Variants in MYO1D observed in about 807,000 individuals in gnomAD.
MYO1D encodes myosin ID, also known as unconventional myosin-Id.
A neutral mutation model predicts 122.0 loss-of-function variants in MYO1D; 83 were observed. The observed-to-expected ratio is 0.68, with a 90% CI of 0.57 to 0.82. The LOEUF (loss-of-function observed/expected upper bound fraction) is 0.82, where lower values mean the gene tolerates loss of function less well. Among genes scored for constraint, MYO1D ranks in the 40% least tolerant of loss-of-function variants. The pLI is 0.00. For missense variants in MYO1D, 1,157 were observed against 1,269.5 expected (o/e 0.91, Z 1.35); for synonymous variants, 464 against 446.9 (o/e 1.04, Z -0.48).
chr17:32,699,918 C>T (rs1008179993), intron 16 of MYO1D, among the ~76,000 whole-genome samples: 5 of 152,070 alleles, frequency 3.3e-5, no homozygotes, highest in Non-Finnish European at 7.4e-5. Context: ...AAGTAAACCT[C>T]AATAAATTCC....
intron 11 of MYO1D, 70 bp downstream of exon 11, chr17:32,755,422 C>T (rs1198951536): frequency 1.1e-5 from 16 of 1,460,924 alleles, no homozygotes; most frequent in Admixed American, 5.8e-5. Flanking sequence ...CATATAAAGT[C>T]GTTGAACTCC....
intron 1 of MYO1D, among the ~76,000 whole-genome samples, chr17:32,835,541 G>A (rs1226664449): frequency 2.0e-5 from 3 of 151,972 alleles, no homozygotes; most frequent in Admixed American, 6.6e-5. Context: ...TTTCTTACAC[G>A]GCCCTGAAAT....
chr17:32,541,224 T>A (rs1469192729), intron 21 of MYO1D, among the ~76,000 whole-genome samples: 1 of 152,244 alleles, frequency 6.6e-6, no homozygotes, highest in Non-Finnish European at 1.5e-5. Flanking sequence ...ATGTGGTCTA[T>A]CTATACAGTG....
At chr17:32,780,297 T>C (rs2090221850) in intron 2 of MYO1D, among the ~76,000 whole-genome samples, 1 of 152,198 alleles carries the variant, frequency 6.6e-6, no homozygotes, top group Non-Finnish European at 1.5e-5. Flanking sequence ...CAGACTTTTA[T>C]GTGTTTGAGA....
chr17:32,649,935 T>C (rs2150947648), intron 19 of MYO1D, among the ~76,000 whole-genome samples: 1 of 152,298 alleles, frequency 6.6e-6, no homozygotes, highest in East Asian at 1.9e-4. Context: ...CACCTGTTGG[T>C]TATTATGAAT....
chr17:32,628,441 T>G (rs575782697), intron 20 of MYO1D, among the ~76,000 whole-genome samples: 1 of 152,356 alleles, frequency 6.6e-6, no homozygotes, highest in South Asian at 2.1e-4. Flanking sequence ...GATTTCCTGT[T>G]TTTATCTTTC....
chr17:32,690,272 C>T (rs9901021), intron 16 of MYO1D, among the ~76,000 whole-genome samples: 6,509 of 150,186 alleles, frequency 0.043, 486 homozygotes, highest in African/African-American at 0.15. Context: ...ACCTCCCGGG[C>T]TCAAGCAATT....
At chr17:32,653,314 A>T (rs1258890795) in intron 19 of MYO1D, among the ~76,000 whole-genome samples, 2 of 151,232 alleles carry the variant, frequency 1.3e-5, no homozygotes, top group African/African-American at 2.4e-5. Flanking sequence ...TTCTAGTTTT[A>T]AAAAGAAATT....
intron 1 of MYO1D, among the ~76,000 whole-genome samples, chr17:32,871,627 C>A (rs917661923): frequency 6.6e-6 from 1 of 152,160 alleles, no homozygotes; most frequent in African/African-American, 2.4e-5. Flanking sequence ...AGAAACTGGA[C>A]CTCTGGAAGT....
intron 1 of MYO1D, among the ~76,000 whole-genome samples, chr17:32,836,648 T>A (rs974799673): frequency 6.6e-6 from 1 of 152,194 alleles, no homozygotes; most frequent in African/African-American, 2.4e-5. Flanking sequence ...TGTGTGTCAC[T>A]AATTTGTTAT....
At chr17:32,647,455 T>C (rs969884906) in intron 19 of MYO1D, among the ~76,000 whole-genome samples, 1 of 152,204 alleles carries the variant, frequency 6.6e-6, no homozygotes, top group African/African-American at 2.4e-5. Context: ...GGTAAAGACA[T>C]GTTCTCTGTC....
At chr17:32,515,221 C>T (rs1909847654) in intron 21 of MYO1D, among the ~76,000 whole-genome samples, 1 of 152,160 alleles carries the variant, frequency 6.6e-6, no homozygotes, top group African/African-American at 2.4e-5. Flanking sequence ...ACGGATATTC[C>T]CCTAAGAAGC....
chr17:32,660,824 C>A (rs2088554645), intron 16 of MYO1D, among the ~76,000 whole-genome samples: 1 of 152,124 alleles, frequency 6.6e-6, no homozygotes, highest in Admixed American at 6.5e-5. Flanking sequence ...ACGCCTCCAC[C>A]CAAGTGCAAA....
At chr17:32,850,360 C>T (rs543565442) in intron 1 of MYO1D, among the ~76,000 whole-genome samples, 12 of 152,152 alleles carry the variant, frequency 7.9e-5, no homozygotes, top group Non-Finnish European at 1.8e-4. Context: ...TGGACAATTG[C>T]CCATCCTCCA....
At chr17:32,613,789 C>CAAAAA (rs60701225) in intron 20 of MYO1D, among the ~76,000 whole-genome samples, 1,423 of 50,962 alleles carry the variant, frequency 0.028, 185 homozygotes, top group African/African-American at 0.042. Flanking sequence ...GATTCCATCT[C>CAAAAA]AAAAAAAAAA....
chr17:32,724,250 C>T (rs991378697), intron 14 of MYO1D, among the ~76,000 whole-genome samples: 2 of 152,172 alleles, frequency 1.3e-5, no homozygotes, highest in Non-Finnish European at 1.5e-5. Context: ...GATTTATCTG[C>T]ATGTTTGGCA....
intron 2 of MYO1D, among the ~76,000 whole-genome samples, chr17:32,778,856 AACTAAG>A (rs1217953907): frequency 1.3e-5 from 2 of 152,032 alleles, no homozygotes; most frequent in Admixed American, 1.3e-4. Context: ...TGATGTGGTA[AACTAAG>A]ACTAAAGTTT....
At position 32,772,857 on chromosome 17, in the gene MYO1D, A is replaced by G; in HGVS notation, c.565-15T>C. 1 of 1,611,558 alleles carries G rather than the reference A, an allele frequency of 6.2e-7. No individual in the cohort carries two copies. Among genetic ancestry groups the G allele is most frequent in the Non-Finnish European group, 8.5e-7 (1 of 1,177,796 alleles). On this transcript the variant is annotated splice_polypyrimidine_tract_variant and intron_variant, in intron 4 of 21. Transcript: ENST00000318217. ...ATCACTCGAGACTAAGAAAAAACAC[A>G]TTAAAATGGTTAACCCGAAAATGTG...
At chr17:32,552,144 T>C (rs1331525330) in intron 21 of MYO1D, among the ~76,000 whole-genome samples, 2 of 152,230 alleles carry the variant, frequency 1.3e-5, no homozygotes, top group African/African-American at 4.8e-5. Flanking sequence ...GGCGTAATCA[T>C]GGCTCACTGC....
Sources: gnomAD v4.1 joint callset for allele counts (sites outside exome capture counted in the v4.1 genomes callset) on GRCh38, gnomAD v4.1.1 for gene constraint, MANE v1.5 for transcripts, NCBI Gene and HGNC (gene_info 2026-07-23, HGNC 2026-07-21) for gene names.